VRK2: variants seen among roughly 807,000 people sequenced by gnomAD.
VRK2 encodes the protein VRK serine/threonine kinase 2.
Under a neutral mutation model 57.6 loss-of-function variants are expected in VRK2, and 60 were observed. The observed-to-expected ratio is 1.04, with a 90% CI of 0.85 to 1.29. The LOEUF (loss-of-function observed/expected upper bound fraction) is 1.29. Among genes scored for constraint, VRK2 ranks in the 50% most tolerant of loss-of-function variants. The pLI is 0.00. For synonymous variants in VRK2, 231 were observed against 199.2 expected, an observed-to-expected ratio of 1.16 and a Z score of -1.35; for missense variants, 705 against 588.1, an observed-to-expected ratio of 1.20 and a Z score of -2.06.
upstream of VRK2, among the ~76,000 whole-genome samples, chr2:58,044,747 GA>G (rs1240203596): frequency 6.6e-6 from 1 of 152,188 alleles, no homozygotes; most frequent in Non-Finnish European, 1.5e-5. Context: ...CAGTAAATGC[GA>G]AAAGTTCTTG....
intron 7 of VRK2, among the ~76,000 whole-genome samples, chr2:58,109,158 T>G (rs1376971197): frequency 6.6e-6 from 1 of 152,198 alleles, no homozygotes; most frequent in Non-Finnish European, 1.5e-5. Context: ...TGTCTAATTA[T>G]TATCAATTAA....
chr2:58,152,582 A>G (rs970526009), intron 12 of VRK2, among the ~76,000 whole-genome samples: 1 of 151,936 alleles, frequency 6.6e-6, no homozygotes, highest in Non-Finnish European at 1.5e-5. Context: ...TTAGTTTGGT[A>G]TAATTTCTCT....
At chr2:57,941,613 T>C (rs1005595173) in intron 1 of VRK2, among the ~76,000 whole-genome samples, 1 of 152,248 alleles carries the variant, frequency 6.6e-6, no homozygotes, top group Non-Finnish European at 1.5e-5. Context: ...AGGCTCTTGA[T>C]GCCTGATTCC....
At chr2:57,924,435 A>G (rs897601152) in intron 1 of VRK2, among the ~76,000 whole-genome samples, 2 of 151,718 alleles carry the variant, frequency 1.3e-5, no homozygotes, top group African/African-American at 4.8e-5. Context: ...GAGATCTTTC[A>G]CTCCTTTGGT....
intron 1 of VRK2, among the ~76,000 whole-genome samples, chr2:58,007,736 T>A (rs1673292632): frequency 6.6e-6 from 1 of 152,114 alleles, no homozygotes; most frequent in South Asian, 2.1e-4. Flanking sequence ...GTGCAGGGAA[T>A]CACTGTCCCT....
At chr2:58,090,484 C>G (rs1672226926) in intron 7 of VRK2, among the ~76,000 whole-genome samples, 1 of 151,630 alleles carries the variant, frequency 6.6e-6, no homozygotes, top group East Asian at 1.9e-4. Context: ...TTTGACTGTC[C>G]AATATGGTAG....
chr2:57,919,750 A>C (rs1670276484), intron 1 of VRK2, among the ~76,000 whole-genome samples: 1 of 152,096 alleles, frequency 6.6e-6, no homozygotes, highest in South Asian at 2.1e-4. Context: ...TCAAATAATG[A>C]AGTTGTCTTT....
intron 7 of VRK2, among the ~76,000 whole-genome samples, chr2:58,119,940 C>T (rs1283400514): frequency 1.3e-5 from 2 of 151,578 alleles, no homozygotes; most frequent in Non-Finnish European, 2.9e-5. Context: ...AATAGCTTTT[C>T]GTGATTATTT....
intron 2 of VRK2, among the ~76,000 whole-genome samples, chr2:58,081,899 T>TGTGTGTGTG (rs1491160539): frequency 6.7e-6 from 1 of 148,872 alleles, no homozygotes; most frequent in African/African-American, 2.5e-5. Context: ...TGTGTGTGTG[T>TGTGTGTGTG]TTCGTCATTT....
upstream of VRK2, among the ~76,000 whole-genome samples, chr2:58,044,601 C>T (rs72951030): frequency 1.5e-3 from 232 of 151,976 alleles, 2 homozygotes; most frequent in African/African-American, 5.2e-3. Context: ...AAAGAGGCTA[C>T]GAAATATTGT....
rs535054117 is a variant in VRK2 at position 58,112,676 on chromosome 2, C to G, written c.544-10425C>G. On this transcript the variant is annotated intron_variant, in intron 7 of 12. Transcript: ENST00000340157. ...TCCAGATGGTTGAGGCTTAAATACC[C>G]TCTTCATATGGAAGAGGGAAGTGGG... Among the ~76,000 whole-genome samples, 24 of 152,094 alleles carry G rather than the reference C, an allele frequency of 1.6e-4. 1 individual carries two copies. Among genetic ancestry groups the G allele is most frequent in the Admixed American group, 1.4e-3 (22 of 15,288 alleles).
chr2:57,923,502 A>ATGCCTG (rs1670424767), intron 1 of VRK2, among the ~76,000 whole-genome samples: 1 of 148,394 alleles, frequency 6.7e-6, no homozygotes, highest in Non-Finnish European at 1.5e-5. Context: ...ACCTTTTCAT[A>ATGCCTG]TGCCTGTTTG....
At chr2:58,014,095 A>G (rs1673500643) in intron 1 of VRK2, among the ~76,000 whole-genome samples, 1 of 152,178 alleles carries the variant, frequency 6.6e-6, no homozygotes, top group Non-Finnish European at 1.5e-5. Flanking sequence ...AGCTATTTTT[A>G]GCAGAGACAA....
At chr2:58,110,878 G>C (rs1391215083) in intron 7 of VRK2, among the ~76,000 whole-genome samples, 1 of 152,192 alleles carries the variant, frequency 6.6e-6, no homozygotes, top group Non-Finnish European at 1.5e-5. Flanking sequence ...TATTAGGAGA[G>C]ACCCCAGCTA....
intron 2 of VRK2, among the ~76,000 whole-genome samples, chr2:58,077,807 T>C (rs1285610958): frequency 6.6e-6 from 1 of 152,120 alleles, no homozygotes; most frequent in African/African-American, 2.4e-5. Context: ...CAATACCATG[T>C]AGAATTCTGT....
At position 58,159,840 on chromosome 2, in the gene VRK2, C is replaced by CTCTAAAAAATAAAA; in HGVS notation, c.*149_*162dup. On this transcript the variant is annotated 3_prime_UTR_variant, in exon 13 of 13. Coordinates refer to ENST00000340157, the MANE Select transcript of VRK2 (RefSeq NM_006296.7). Reference sequence around the variant, plus strand: ...CATATTTTAACAAAGTTTGTGGACACTCTAAAAAATAAAATTGCTTTGTAC... The same window carrying CTCTAAAAAATAAAA: ...CATATTTTAACAAAGTTTGTGGACACTCTAAAAAATAAAATCTAAAAAATAAAATTGCTTTGTAC... The CTCTAAAAAATAAAA allele has an allele frequency of 6.2e-7, 1 of 1,608,424 alleles. No individual in the cohort carries two copies. Among genetic ancestry groups the CTCTAAAAAATAAAA allele is most frequent in the Non-Finnish European group, 8.5e-7 (1 of 1,178,118 alleles).
intron 1 of VRK2, among the ~76,000 whole-genome samples, chr2:57,946,615 T>C (rs1018589737): frequency 2.0e-5 from 3 of 152,172 alleles, no homozygotes; most frequent in East Asian, 1.9e-4. Context: ...TATCAATCAA[T>C]TGGTATTTCA....
At chr2:57,998,259 C>G (rs1323091484) in intron 1 of VRK2, among the ~76,000 whole-genome samples, 1 of 152,136 alleles carries the variant, frequency 6.6e-6, no homozygotes, top group Non-Finnish European at 1.5e-5. Flanking sequence ...TGTTTCCACC[C>G]TATCCATAAT....
chr2:57,954,332 T>G (rs1054002420), intron 1 of VRK2, among the ~76,000 whole-genome samples: 3 of 152,108 alleles, frequency 2.0e-5, no homozygotes, highest in Admixed American at 6.6e-5. Context: ...GGAAATTGTA[T>G]GCAAGAAGAA....
Sources: gnomAD v4.1 joint callset for allele counts (sites outside exome capture counted in the v4.1 genomes callset) on GRCh38, gnomAD v4.1.1 for gene constraint, MANE v1.5 for transcripts, NCBI Gene and HGNC (gene_info 2026-07-23, HGNC 2026-07-21) for gene names.